Variants in USP21 observed in about 807,000 individuals in gnomAD.
USP21 encodes the protein ubiquitin carboxyl-terminal hydrolase 21.
USP21 carries 37 observed loss-of-function variants against 70.8 expected under a neutral mutation model. That is an observed-to-expected ratio of 0.52 (90% confidence interval 0.40 to 0.69). The LOEUF is 0.69. USP21 is among the 30% of genes least tolerant of loss of function. USP21 has a pLI of 0.00. For synonymous variants in USP21, 263 were observed against 283.1 expected (o/e 0.93, Z 0.71); for missense variants, 584 against 740.8 (o/e 0.79, Z 2.46).
chr1:161,165,178 T>C, intron 13 of USP21, 35 bp downstream of exon 13: 2 of 1,587,424 alleles, frequency 1.3e-6, no homozygotes, highest in Non-Finnish European at 1.7e-6. Context: ...CCTGCCCCAT[T>C]CCCACTCAGC....
Position 161,161,547 on chromosome 1 carries a change from C to T in USP21, c.600+307C>T, listed in dbSNP as rs562132645. ...TTGCACCTTCTCTACTGGGACTCTG[C>T]CTAGGCCTAATTAATCTCTGGAGCT... is the stretch of plus-strand genomic sequence containing the variant. On this transcript the variant is annotated intron_variant, in intron 3 of 13. Transcript: ENST00000368002. The surrounding 1 kb of genome is among the most constrained non-coding windows in gnomAD (Gnocchi z 4.2). The T allele has an allele frequency of 1.7e-5, 7 of 420,862 alleles. No homozygotes were observed. In the East Asian group the frequency reaches 3.1e-4, roughly 18 times the overall value. 26.1% of individuals were successfully genotyped at this position (420,862 alleles called of 1,614,324 possible).
At position 161,161,020 on chromosome 1, in the gene USP21, G is replaced by C; in HGVS notation, c.380G>C (p.Gly127Ala). ...TTGCGTCCAATGGGGATTGCCTTGGGAGGGCACCGTGGCACCGGAGAGCTT... is the reference window on the plus strand; with the variant it reads ...TTGCGTCCAATGGGGATTGCCTTGGCAGGGCACCGTGGCACCGGAGAGCTT... ...GDLRPMGIAL[G>A]GHRGTGELGA... The change falls in exon 3 of 14, where the codon GGA becomes GCA. Residue 127 changes from glycine to alanine, a missense_variant. Coordinates refer to ENST00000368002, the MANE Select transcript of USP21 (RefSeq NM_001014443.3). This position sits in a 1 kb window ranked among gnomAD's most constrained non-coding sequence, Gnocchi z 4.2. 1.2e-6 allele frequency: 2 copies of C among 1,614,246 alleles called. No homozygotes were observed. The highest frequency in any genetic ancestry group is 2.2e-5 in the South Asian group (2 of 91,088).
Position 161,165,621 on chromosome 1 carries a change from T to C in USP21, c.*174T>C. ...ATACCCTTCCACCTGGAGGCTCCCT[T>C]GTCTCCCAGCCCCATGTACAAAGCT... is the stretch of plus-strand genomic sequence containing the variant. On this transcript the variant is annotated 3_prime_UTR_variant, in exon 14 of 14. Coordinates refer to ENST00000368002, the MANE Select transcript of USP21 (RefSeq NM_001014443.3). 1 of 584,076 alleles carries C rather than the reference T, an allele frequency of 1.7e-6. No homozygotes were observed. The highest frequency in any genetic ancestry group is 1.9e-5 in the African/African-American group (1 of 53,802). 36.2% of individuals were successfully genotyped at this position (584,076 alleles called of 1,614,324 possible).
At position 161,164,417 on chromosome 1, in the gene USP21, G is replaced by T; in HGVS notation, c.1306-117G>T. 7.1e-7 allele frequency: 1 copy of T among 1,408,938 alleles called. No homozygotes were observed. The highest frequency in any genetic ancestry group is 9.9e-7 in the Non-Finnish European group (1 of 1,005,266). 87.3% of individuals were successfully genotyped at this position (1,408,938 alleles called of 1,614,324 possible). A position where few individuals can be genotyped will look rare whatever the true frequency, so the allele number is the denominator to read the frequency against. ...AGTACTCCTAGAGCAAAGGGGAGAA[G>T]CCAAGAGGATCCAGCTGTAATGAAG... On this transcript the variant is annotated intron_variant, in intron 10 of 13. Coordinates refer to ENST00000368002, the MANE Select transcript of USP21 (RefSeq NM_001014443.3). The surrounding 1 kb of genome is among the most constrained non-coding windows in gnomAD (Gnocchi z 4.2).
intron 7 of USP21, among the ~76,000 whole-genome samples, chr1:161,163,307 A>G (rs1658102332): frequency 6.6e-6 from 1 of 152,180 alleles, no homozygotes; most frequent in Admixed American, 6.5e-5. Flanking sequence ...AGAAGGGGAT[A>G]ATTCATTTAC....
intron 8 of USP21, 30 bp from the exon 9 acceptor site, chr1:161,163,848 C>G: frequency 6.3e-7 from 1 of 1,593,574 alleles, no homozygotes; most frequent in Non-Finnish European, 8.6e-7. Context: ...CAACAATGAC[C>G]TTTTCTCCTG....
At position 161,165,485 on chromosome 1, in the gene USP21, A is replaced by C. The variant is rs1571308283; in HGVS notation, c.*38A>C. ...CTGGCACCTGTGAAGCCCTTTAAAC[A>C]CCCTTAAGCCCCAGGCTCCCCGTTT... is the stretch of plus-strand genomic sequence containing the variant. On this transcript the variant is annotated 3_prime_UTR_variant, in exon 14 of 14. Transcript: ENST00000368002. The C allele has an allele frequency of 6.9e-7, 1 of 1,455,818 alleles. No individual in the cohort carries two copies. The highest frequency in any genetic ancestry group is 9.4e-7 in the Non-Finnish European group (1 of 1,061,300). 90.2% of individuals were successfully genotyped at this position (1,455,818 alleles called of 1,614,324 possible).
At position 161,161,879 on chromosome 1, in the gene USP21, G is replaced by A; in HGVS notation, c.601-159G>A. On this transcript the variant is annotated intron_variant, in intron 3 of 13. Coordinates refer to ENST00000368002, the MANE Select transcript of USP21 (RefSeq NM_001014443.3). The surrounding 1 kb of genome is among the most constrained non-coding windows in gnomAD (Gnocchi z 4.2). ...GTGATGGGCTTACTGCTCATGACCA[G>A]TGAGGTAGGGAGACTAGAATACCTA... is the stretch of plus-strand genomic sequence containing the variant. 1.4e-6 allele frequency: 1 copy of A among 711,578 alleles called. No individual in the cohort carries two copies. The allele number at this position is 711,578 out of a possible 1,614,324, so 44.1% of individuals were successfully genotyped here. A position where few individuals can be genotyped will look rare whatever the true frequency, so the allele number is the denominator to read the frequency against.
Position 161,164,055 on chromosome 1 carries a change from G to C in USP21, c.1218+74G>C. On this transcript the variant is annotated intron_variant, in intron 9 of 13. Coordinates refer to ENST00000368002, the MANE Select transcript of USP21 (RefSeq NM_001014443.3). The surrounding 1 kb of genome is among the most constrained non-coding windows in gnomAD (Gnocchi z 4.2). Reference sequence around the variant, plus strand: ...CCAAGCCTACCCACCCCCAGAGTGTGGGCGGGAACCCTGTGGGTTTCTGGA... The same window carrying C: ...CCAAGCCTACCCACCCCCAGAGTGTCGGCGGGAACCCTGTGGGTTTCTGGA... 1 of 1,582,524 alleles carries C rather than the reference G, an allele frequency of 6.3e-7. No homozygotes were observed. Among genetic ancestry groups the C allele is most frequent in the Non-Finnish European group, 8.7e-7 (1 of 1,151,784 alleles).
At position 161,165,152 on chromosome 1, in the gene USP21, A is replaced by G. The variant is rs773703771; in HGVS notation, c.1607+9A>G. ...GTCTACAATGACTCTCGGTGAGAAT[A>G]GCCTCCTATTTACATCCTGCCCCAT... On this transcript the variant is annotated intron_variant, in intron 13 of 13. Coordinates refer to ENST00000368002, the MANE Select transcript of USP21 (RefSeq NM_001014443.3). 3.7e-6 allele frequency: 6 copies of G among 1,610,674 alleles called. No homozygotes were observed. Among genetic ancestry groups the G allele is most frequent in the Non-Finnish European group, 5.1e-6 (6 of 1,177,432 alleles).
In USP21 at chr1:161,162,695, CAG is replaced by C; in HGVS notation, c.864_865del (p.Lys289IlefsTer27). 1 of 1,614,076 alleles carries C rather than the reference CAG, an allele frequency of 6.2e-7. No homozygotes were observed. The highest frequency in any genetic ancestry group is 8.5e-7 in the Non-Finnish European group (1 of 1,179,916). ...TCCTACTCGATTCCGAGCTGTCTTC[CAG>C]AAATATGTTCCCTCCTTCTCTGGAT... ...VNPTRFRAVF[Q>X]KYVPSFSGYS... On this transcript the variant is annotated frameshift_variant, in exon 6 of 14. Transcript: ENST00000368002. LOFTEE classifies it high-confidence loss of function. This position sits in a 1 kb window ranked among gnomAD's most constrained non-coding sequence, Gnocchi z 4.1.
chr1:161,164,970 A>C lies in USP21; in HGVS notation c.1492+28A>C. On this transcript the variant is annotated intron_variant, in intron 12 of 13. Transcript: ENST00000368002. The surrounding 1 kb of genome is among the most constrained non-coding windows in gnomAD (Gnocchi z 4.2). Reference sequence around the variant, plus strand: ...GAGTCTGGTGGGGAAAGTCCTAAGGAGCCAAAGGAGTGGGGGCACAGCTCT... The same window carrying C: ...GAGTCTGGTGGGGAAAGTCCTAAGGCGCCAAAGGAGTGGGGGCACAGCTCT... 1 of 1,613,278 alleles carries C rather than the reference A, an allele frequency of 6.2e-7. No individual in the cohort carries two copies. Among genetic ancestry groups the C allele is most frequent in the Non-Finnish European group, 8.5e-7 (1 of 1,179,348 alleles).
At position 161,164,755 on chromosome 1, in the gene USP21, G is replaced by T; in HGVS notation, c.1385-80G>T. 1 of 1,596,086 alleles carries T rather than the reference G, an allele frequency of 6.3e-7. No individual in the cohort carries two copies. Among genetic ancestry groups the T allele is most frequent in the South Asian group, 1.1e-5 (1 of 88,930 alleles). ...AGATGCTCCCAGTGTGTCGGGAGTG[G>T]GGAGAGGACAGCTTTCAGGATAGAA... is the stretch of plus-strand genomic sequence containing the variant. On this transcript the variant is annotated intron_variant, in intron 11 of 13. Transcript: ENST00000368002. This position sits in a 1 kb window ranked among gnomAD's most constrained non-coding sequence, Gnocchi z 4.2.
Position 161,161,756 on chromosome 1 carries a change from G to A in USP21, c.601-282G>A, listed in dbSNP as rs548476990. 1.6e-4 allele frequency: 82 copies of A among 517,362 alleles called. 3 individuals are homozygous for A. The South Asian group carries it at 1.9e-3, about 12-fold the overall frequency. The allele number at this position is 517,362 out of a possible 1,614,324, so 32.0% of individuals were successfully genotyped here. A position where few individuals can be genotyped will look rare whatever the true frequency, so the allele number is the denominator to read the frequency against. ...AGCTGGGCAACCATGCCGGTGCTGGGGGAGTTGCCCCAGGAGCTGCAACGT... is the reference window on the plus strand; with the variant it reads ...AGCTGGGCAACCATGCCGGTGCTGGAGGAGTTGCCCCAGGAGCTGCAACGT... On this transcript the variant is annotated intron_variant, in intron 3 of 13. Coordinates refer to ENST00000368002, the MANE Select transcript of USP21 (RefSeq NM_001014443.3). The surrounding 1 kb of genome is among the most constrained non-coding windows in gnomAD (Gnocchi z 4.2).
chr1:161,164,641 CT>C lies in USP21; in HGVS notation c.1384+31del. On this transcript the variant is annotated intron_variant, in intron 11 of 13. Coordinates refer to ENST00000368002, the MANE Select transcript of USP21 (RefSeq NM_001014443.3). The surrounding 1 kb of genome is among the most constrained non-coding windows in gnomAD (Gnocchi z 4.2). ...TCCTAATCTTCAGATTCTTACTTCT[CT>C]TAGGATACCTCCCATACATTCTCTT... 2.5e-6 allele frequency: 4 copies of C among 1,613,900 alleles called. No individual in the cohort carries two copies. Among genetic ancestry groups the C allele is most frequent in the Non-Finnish European group, 2.5e-6 (3 of 1,179,784 alleles).
rs1175161286 is a variant in USP21 at position 161,164,437 on chromosome 1, A to G, written c.1306-97A>G. 3.4e-6 allele frequency: 5 copies of G among 1,489,054 alleles called. No individual in the cohort carries two copies. In the African/African-American group the frequency reaches 5.6e-5, roughly 17 times the overall value. 92.2% of individuals were successfully genotyped at this position (1,489,054 alleles called of 1,614,324 possible). ...GAGAAGCCAAGAGGATCCAGCTGTA[A>G]TGAAGAGCATACTAAATTTGTATGT... On this transcript the variant is annotated intron_variant, in intron 10 of 13. Coordinates refer to ENST00000368002, the MANE Select transcript of USP21 (RefSeq NM_001014443.3). The surrounding 1 kb of genome is among the most constrained non-coding windows in gnomAD (Gnocchi z 4.2).
chr1:161,163,563 A>T lies in USP21; in HGVS notation c.1058A>T (p.Asp353Val). 6.2e-7 allele frequency: 1 copy of T among 1,613,320 alleles called. No individual in the cohort carries two copies. Among genetic ancestry groups the T allele is most frequent in the Middle Eastern group, 1.6e-4 (1 of 6,062 alleles). Residue 353 changes from aspartate (D) to valine (V), a missense_variant, in exon 8 of 14, where the codon GAC (aspartate) becomes GTC (valine). Around this residue, in one of 4 missense-constraint regions of USP21, gnomAD observed 173 missense variants for 268.2 expected, o/e 0.65. Transcript: ENST00000368002. ...LLEEPELSDD[D>V]RANLMWKRYL... ...CCTTTGATCTGTGGTAGTGATGATG[A>T]CCGAGCCAACCTAATGTGGAAACGT... is the stretch of plus-strand genomic sequence containing the variant.
Position 161,161,251 on chromosome 1 carries a change from G to A in USP21, c.600+11G>A. The A allele has an allele frequency of 6.3e-7, 1 of 1,577,164 alleles. No individual in the cohort carries two copies. Among genetic ancestry groups the A allele is most frequent in the Non-Finnish European group, 8.6e-7 (1 of 1,159,270 alleles). On this transcript the variant is annotated intron_variant, in intron 3 of 13. Transcript: ENST00000368002. This position sits in a 1 kb window ranked among gnomAD's most constrained non-coding sequence, Gnocchi z 4.2. The stretch of plus-strand genomic sequence containing the variant: ...TCTGATGACAAGATGGTGAGGACTT[G>A]CCACACACATGGCCTTCATGCCCAT...
rs1658655498 is a variant in USP21 at position 161,165,647 on chromosome 1, C to A, written c.*200C>A. On this transcript the variant is annotated 3_prime_UTR_variant, in exon 14 of 14. Coordinates refer to ENST00000368002, the MANE Select transcript of USP21 (RefSeq NM_001014443.3). ...GTCTCCCAGCCCCATGTACAAAGCTCACCAAGCCCCTGCCCATGTACAGCC... is the reference window on the plus strand; with the variant it reads ...GTCTCCCAGCCCCATGTACAAAGCTAACCAAGCCCCTGCCCATGTACAGCC... 2 of 551,894 alleles carry A rather than the reference C, an allele frequency of 3.6e-6. No individual in the cohort carries two copies. Among genetic ancestry groups the A allele is most frequent in the Admixed American group, 3.1e-5 (1 of 32,634 alleles). 34.2% of individuals were successfully genotyped at this position (551,894 alleles called of 1,614,324 possible).
Sources: allele counts gnomAD v4.1 joint callset (sites outside exome capture counted in the v4.1 genomes callset), GRCh38; gene constraint gnomAD v4.1.1; regional missense constraint gnomAD v4.1.1; non-coding constraint Gnocchi (gnomAD v3.1); transcripts MANE v1.5; gene names NCBI Gene and HGNC (gene_info 2026-07-23, HGNC 2026-07-21).